DNMT3A: variants seen among roughly 807,000 people sequenced by gnomAD.
The protein encoded by DNMT3A is DNA (cytosine-5)-methyltransferase 3A.
A neutral mutation model predicts 117.6 loss-of-function variants in DNMT3A; 267 were observed. That is an observed-to-expected ratio of 2.27 (90% CI 2.05 to 2.51). DNMT3A has a LOEUF of 2.51. DNMT3A is among the 30% of genes most tolerant of loss of function. DNMT3A has a pLI of 0.00. For missense variants in DNMT3A, 1,029 were observed against 1,260.2 expected (o/e 0.82, Z 2.78); for synonymous variants, 432 against 474.8 (o/e 0.91, Z 1.17).
In DNMT3A at chr2:25,234,110, C is replaced by A. The variant is rs1673049427; in HGVS notation, c.*169G>T. 4 of 1,094,830 alleles carry A rather than the reference C, an allele frequency of 3.7e-6. No homozygotes were observed. The highest frequency in any genetic ancestry group is 3.2e-5 in the African/African-American group (2 of 62,372). 67.8% of individuals were successfully genotyped at this position (1,094,830 alleles called of 1,614,324 possible). A position where few individuals can be genotyped will look rare whatever the true frequency, so the allele number is the denominator to read the frequency against. On this transcript the variant is annotated 3_prime_UTR_variant, in exon 23 of 23. Transcript: ENST00000321117. This position sits in a 1 kb window ranked among gnomAD's most constrained non-coding sequence, Gnocchi z 4.5. ...ATGATGTCCAACCCTTTTCGCAAGGCAAAGCCCTCCGGTATTTCCGCCTCT... is the reference window on the plus strand; with the variant it reads ...ATGATGTCCAACCCTTTTCGCAAGGAAAAGCCCTCCGGTATTTCCGCCTCT...
intron 1 of DNMT3A, among the ~76,000 whole-genome samples, chr2:25,332,073 G>A (rs766537482): frequency 1.8e-4 from 27 of 152,250 alleles, no homozygotes; most frequent in Non-Finnish European, 2.6e-4. Context: ...TTGCTGCCCC[G>A]GACTTCTGTG....
Position 25,239,152 on chromosome 2 carries a change from C to A in DNMT3A, c.2386G>T (p.Gly796Cys). 1.2e-6 allele frequency: 2 copies of A among 1,614,038 alleles called. No individual in the cohort carries two copies. Among genetic ancestry groups the A allele is most frequent in the African/African-American group, 1.3e-5 (1 of 75,036 alleles). Residue 796 changes from glycine to cysteine, a missense_variant, in exon 20 of 23, where the codon GGT (glycine) becomes TGT (cysteine). By Grantham distance (159) the Gly-to-Cys change is radical. Coordinates refer to ENST00000321117, the MANE Select transcript of DNMT3A (RefSeq NM_022552.5). ...AACCTGTTCATACCGGGAAGGTTACCCCAGAAGTAGCGGGCCCTGTGTGCA... is the reference window on the plus strand; with the variant it reads ...AACCTGTTCATACCGGGAAGGTTACACCAGAAGTAGCGGGCCCTGTGTGCA... ...SAAHRARYFW[G>C]NLPGMNRPLA...
rs1320728063 is a variant in DNMT3A at position 25,311,141 on chromosome 2, G to A, written c.72+2772C>T. ...CGGGGCTGGGGGCGGGGGCGGGGAG[G>A]GGGGGCGGCGGTGGGCAGAGGCTAG... On this transcript the variant is annotated intron_variant, in intron 2 of 22. Coordinates refer to ENST00000321117, the MANE Select transcript of DNMT3A (RefSeq NM_022552.5). The surrounding 1 kb of genome is among the most constrained non-coding windows in gnomAD (Gnocchi z 5.2). Among the ~76,000 whole-genome samples the A allele has an allele frequency of 2.0e-5, 3 of 150,910 alleles. No homozygotes were observed. Among genetic ancestry groups the A allele is most frequent in the African/African-American group, 7.3e-5 (3 of 41,102 alleles).
At chr2:25,309,523 G>T (rs537078175) in intron 2 of DNMT3A, among the ~76,000 whole-genome samples, 30 of 152,262 alleles carry the variant, frequency 2.0e-4, no homozygotes, top group South Asian at 1.5e-3. Context: ...AAAGTCCAGG[G>T]GAGGACTACG....
chr2:25,239,231 C>T lies in DNMT3A; in HGVS notation c.2323-16G>A, dbSNP rs756261389. 37 of 1,612,090 alleles carry T rather than the reference C, an allele frequency of 2.3e-5. No homozygotes were observed. Among genetic ancestry groups the T allele is most frequent in the Middle Eastern group, 1.6e-4 (1 of 6,080 alleles). On this transcript the variant is annotated splice_polypyrimidine_tract_variant and intron_variant, in intron 19 of 22. Coordinates refer to ENST00000321117, the MANE Select transcript of DNMT3A (RefSeq NM_022552.5). ...CAGGGTTGGACTACAAAACAGGAGA[C>T]GGTTTGAAGATGAGCCAAGGAGGAG...
At chr2:25,278,302 C>A (rs1162066571) in intron 4 of DNMT3A, among the ~76,000 whole-genome samples, 2 of 152,212 alleles carry the variant, frequency 1.3e-5, no homozygotes, top group Non-Finnish European at 2.9e-5. Flanking sequence ...GAGCTATACT[C>A]AGCCAGAGGC....
At chr2:25,273,300 CAG>C (rs1013209745) in intron 6 of DNMT3A, among the ~76,000 whole-genome samples, 2 of 151,918 alleles carry the variant, frequency 1.3e-5, no homozygotes, top group Admixed American at 1.3e-4. Context: ...TTGGTAGAGA[CAG>C]GGGTTCACCA....
Position 25,240,397 on chromosome 2 carries a change from G to GC in DNMT3A, c.2226dup (p.Pro743AlafsTer6). The GC allele has an allele frequency of 1.2e-6, 2 of 1,613,982 alleles. No homozygotes were observed. The highest frequency in any genetic ancestry group is 1.7e-6 in the Non-Finnish European group (2 of 1,179,914). On this transcript the variant is annotated frameshift_variant, in exon 19 of 23. Transcript: ENST00000321117. LOFTEE classifies it high-confidence loss of function. Reference sequence around the variant, plus strand: ...AAGGGGCGATCATCTCCCTCCTTGGGCCGCGCATCATGCAGGAGGCGGTAG... The same window carrying GC: ...AAGGGGCGATCATCTCCCTCCTTGGGCCCGCGCATCATGCAGGAGGCGGTAG...
intron 3 of DNMT3A, among the ~76,000 whole-genome samples, chr2:25,284,670 A>AAAAAAAAAAAAAAAAAAAAAAAAAAAC (rs2032158131): frequency 7.0e-6 from 1 of 142,432 alleles, no homozygotes. Flanking sequence ...AAAAAAAAAA[A>AAAAAAAAAAAAAAAAAAAAAAAAAAAC]AAAAAGACTA....
Position 25,234,569 on chromosome 2 carries a change from CCTG to C in DNMT3A, c.2598-152_2598-150del. On this transcript the variant is annotated intron_variant, in intron 22 of 22. Transcript: ENST00000321117. This position sits in a 1 kb window ranked among gnomAD's most constrained non-coding sequence, Gnocchi z 4.5. ...CTCACACCCACCAACTCCTCTGACG[CCTG>C]CTTAGTTCTGCCGAATCTTCTGTCC... 1.1e-6 allele frequency: 1 copy of C among 879,172 alleles called. No individual in the cohort carries two copies. The highest frequency in any genetic ancestry group is 1.7e-6 in the Non-Finnish European group (1 of 597,444). 54.5% of individuals were successfully genotyped at this position (879,172 alleles called of 1,614,324 possible).
intron 1 of DNMT3A, among the ~76,000 whole-genome samples, chr2:25,320,849 C>T (rs931096194): frequency 2.6e-5 from 4 of 152,026 alleles, no homozygotes; most frequent in African/African-American, 9.6e-5. Context: ...AACACATTAT[C>T]GGCCGGGCGC....
At chr2:25,316,492 C>T (rs2034387464) in intron 1 of DNMT3A, among the ~76,000 whole-genome samples, 1 of 152,226 alleles carries the variant, frequency 6.6e-6, no homozygotes, top group Non-Finnish European at 1.5e-5. Flanking sequence ...AAAATCGTGT[C>T]CATCACCTAA....
intron 3 of DNMT3A, among the ~76,000 whole-genome samples, chr2:25,292,027 G>T (rs934613): frequency 0.069 from 10,551 of 152,250 alleles, 500 homozygotes; most frequent in Non-Finnish European, 0.1. Flanking sequence ...GGCCGAGGCG[G>T]GCGGATCATC....
intron 6 of DNMT3A, among the ~76,000 whole-genome samples, chr2:25,260,232 G>A (rs1204184190): frequency 6.6e-6 from 1 of 152,186 alleles, no homozygotes; most frequent in Admixed American, 6.5e-5. Flanking sequence ...GCCAGATTTG[G>A]TTTACCTCTA....
rs746009417 is a variant in DNMT3A at position 25,300,218 on chromosome 2, C to T, written c.98G>A (p.Arg33His). ...GGGCTCTTGGCGCTCCTCCTTGCCA[C>T]GCGGCTCCTCCTGCTCCTCTCCGTC... Reference protein sequence around the residue: ...RKDGEEQEEPRGKEERQEPST... With the variant: ...RKDGEEQEEPHGKEERQEPST... The change falls in exon 3 of 23, where the codon CGT becomes CAT. Residue 33 changes from arginine (R) to histidine (H), a missense_variant. Arg to His is a conservative substitution (Grantham distance 29). Transcript: ENST00000321117. 1.2e-5 allele frequency: 19 copies of T among 1,609,750 alleles called. No individual in the cohort carries two copies. The highest frequency in any genetic ancestry group is 3.3e-5 in the South Asian group (3 of 91,078).
chr2:25,239,381 C>T, intron 19 of DNMT3A, 166 bp from the exon 20 acceptor site: 1 of 676,214 alleles, frequency 1.5e-6, no homozygotes, highest in South Asian at 1.5e-5. Context: ...TTACACCTAG[C>T]CACATTCCAC....
chr2:25,341,192 G>A (rs943554197), intron 1 of DNMT3A, among the ~76,000 whole-genome samples: 41 of 145,296 alleles, frequency 2.8e-4, no homozygotes, highest in Non-Finnish European at 4.6e-4. Context: ...CCGCCCCGCG[G>A]GGCCGAGGAG....
Position 25,252,449 on chromosome 2 carries a change from A to G in DNMT3A, c.640-4197T>C, listed in dbSNP as rs1344794811. The G allele has an allele frequency of 7.4e-6, 3 of 406,212 alleles. No individual in the cohort carries two copies. Among genetic ancestry groups the G allele is most frequent in the Non-Finnish European group, 1.3e-5 (3 of 228,810 alleles). The allele number at this position is 406,212 out of a possible 1,614,324, so 25.2% of individuals were successfully genotyped here. A position where few individuals can be genotyped will look rare whatever the true frequency, so the allele number is the denominator to read the frequency against. On this transcript the variant is annotated intron_variant, in intron 6 of 22. Transcript: ENST00000321117. This position sits in a 1 kb window ranked among gnomAD's most constrained non-coding sequence, Gnocchi z 5.5. ...GCCCGGGGAGGGGGCCGGCGCTCCGACGCTGGCGCTGGGCCAGCCCCTCTT... is the reference window on the plus strand; with the variant it reads ...GCCCGGGGAGGGGGCCGGCGCTCCGGCGCTGGCGCTGGGCCAGCCCCTCTT...
chr2:25,270,708 G>A (rs1018911375), intron 6 of DNMT3A, among the ~76,000 whole-genome samples: 1 of 152,086 alleles, frequency 6.6e-6, no homozygotes, highest in Non-Finnish European at 1.5e-5. Context: ...AACAGAGGTT[G>A]CCGCTTGAGA....
Sources: allele counts gnomAD v4.1 joint callset (sites outside exome capture counted in the v4.1 genomes callset), GRCh38; gene constraint gnomAD v4.1.1; non-coding constraint Gnocchi (gnomAD v3.1); transcripts MANE v1.5; gene names NCBI Gene and HGNC (gene_info 2026-07-23, HGNC 2026-07-21).